METAP1: variants seen among roughly 807,000 people sequenced by gnomAD.
METAP1 encodes methionine aminopeptidase 1.
METAP1 carries 28 observed loss-of-function variants against 53.8 expected under a neutral mutation model. The observed-to-expected ratio is 0.52, with a 90% confidence interval of 0.39 to 0.71. The LOEUF (loss-of-function observed/expected upper bound fraction) is 0.71, where lower values mean the gene tolerates loss of function less well. Ranked by LOEUF, METAP1 falls within the 30% of genes least tolerant of loss-of-function variation. The probability of loss-of-function intolerance (pLI) is 0.00; values close to 1 mark genes in which losing one functional copy is unlikely to be tolerated. For synonymous variants in METAP1, 181 were observed against 165.7 expected, an observed-to-expected ratio of 1.09 and a Z score of -0.71; for missense variants, 389 against 479.8, an observed-to-expected ratio of 0.81 and a Z score of 1.77.
In METAP1 at chr4:99,061,807, G is replaced by GT. The variant is rs1579352486; in HGVS notation, c.*493dup. 6.6e-6 allele frequency: 1 copy of GT among 152,106 alleles called. No individual in the cohort carries two copies. The highest frequency in any genetic ancestry group is 1.9e-4 in the East Asian group (1 of 5,198). 9.4% of individuals were successfully genotyped at this position (152,106 alleles called of 1,614,324 possible). A position where few individuals can be genotyped will look rare whatever the true frequency, so the allele number is the denominator to read the frequency against. ...GTTTGTGTTGTTTCTGCTCTGACAG[G>GT]TTTATATGTTCTTACAAATGGATCC... On this transcript the variant is annotated 3_prime_UTR_variant, in exon 11 of 11. Coordinates refer to ENST00000296411, the MANE Select transcript of METAP1 (RefSeq NM_015143.3).
intron 2 of METAP1, among the ~76,000 whole-genome samples, chr4:99,030,737 A>G (rs1724950807): frequency 6.6e-6 from 1 of 152,046 alleles, no homozygotes; most frequent in Admixed American, 6.6e-5. Context: ...ATAGTGAGAT[A>G]ACACATAGCA....
chr4:99,011,800 C>G (rs916726946), intron 1 of METAP1, among the ~76,000 whole-genome samples: 1 of 152,112 alleles, frequency 6.6e-6, no homozygotes, highest in South Asian at 2.1e-4. Flanking sequence ...ATTAGCCAGG[C>G]GTGGTGGCAT....
chr4:98,997,835 GTC>G (rs1486974725), intron 1 of METAP1, among the ~76,000 whole-genome samples: 16 of 152,152 alleles, frequency 1.1e-4, no homozygotes, highest in African/African-American at 3.6e-4. Context: ...TGTCCCAACT[GTC>G]TCTTTTTCTT....
intron 1 of METAP1, among the ~76,000 whole-genome samples, chr4:99,004,971 C>A (rs1262108176): frequency 2.0e-5 from 3 of 152,190 alleles, no homozygotes; most frequent in Non-Finnish European, 4.4e-5. Flanking sequence ...AAATAGTCCT[C>A]CTCTAGACAT....
chr4:99,011,303 A>G (rs1455510722), intron 1 of METAP1, among the ~76,000 whole-genome samples: 1 of 152,098 alleles, frequency 6.6e-6, no homozygotes, highest in Non-Finnish European at 1.5e-5. Flanking sequence ...CGTCTTATAT[A>G]TGAGCTTTGT....
chr4:99,037,246 G>GT (rs1445905842), intron 4 of METAP1, among the ~76,000 whole-genome samples: 1 of 151,510 alleles, frequency 6.6e-6, no homozygotes, highest in Non-Finnish European at 1.5e-5. Flanking sequence ...TTTTAAAACT[G>GT]TTTTTTACCA....
At chr4:99,028,573 C>G (rs1724748238) in intron 1 of METAP1, among the ~76,000 whole-genome samples, 1 of 152,094 alleles carries the variant, frequency 6.6e-6, no homozygotes, top group South Asian at 2.1e-4. Flanking sequence ...TCTAATGATT[C>G]TTTTGAAATA....
At chr4:99,048,024 G>A (rs755781566) in intron 8 of METAP1, among the ~76,000 whole-genome samples, 2 of 152,134 alleles carry the variant, frequency 1.3e-5, no homozygotes, top group Non-Finnish European at 2.9e-5. Context: ...AGGACAATTC[G>A]TTACTTTTTG....
intron 10 of METAP1, among the ~76,000 whole-genome samples, chr4:99,060,309 G>T (rs1304359191): frequency 3.4e-5 from 5 of 146,980 alleles, no homozygotes; most frequent in Non-Finnish European, 6.0e-5. Context: ...CTATCTCCAT[G>T]ATTTTGACTA....
At chr4:99,056,493 T>C (rs1475138016) in intron 9 of METAP1, among the ~76,000 whole-genome samples, 1 of 152,186 alleles carries the variant, frequency 6.6e-6, no homozygotes, top group Admixed American at 6.6e-5. Context: ...TGGAGTTTGC[T>C]TTTTTGCTTT....
intron 1 of METAP1, chr4:99,022,176 C>A: frequency 2.9e-6 from 1 of 343,946 alleles, no homozygotes; most frequent in Non-Finnish European, 5.2e-6. Context: ...CACAAAACTT[C>A]CACGTTTGGG....
Position 99,054,902 on chromosome 4 carries a change from T to G in METAP1, c.932-2851T>G, listed in dbSNP as rs78814583. Among the ~76,000 whole-genome samples the G allele has an allele frequency of 7.9e-3, 1,203 of 152,224 alleles. 13 individuals are homozygous for G. The highest frequency in any genetic ancestry group is 0.027 in the African/African-American group (1,111 of 41,534). ...CACAGTTTGTGGTGCTCCAAAACAA[T>G]TAAAATTTTAACATCAAAGACCATT... On this transcript the variant is annotated intron_variant, in intron 9 of 10. Transcript: ENST00000296411.
At chr4:98,996,517 CTTTTCT>C (rs1186569855) in intron 1 of METAP1, among the ~76,000 whole-genome samples, 1 of 152,220 alleles carries the variant, frequency 6.6e-6, no homozygotes, top group Non-Finnish European at 1.5e-5. Flanking sequence ...GTAATTCATT[CTTTTCT>C]TTCGGTATAT....
chr4:99,047,302 C>G lies in METAP1; in HGVS notation c.788-1431C>G, dbSNP rs1287000562. 2.6e-5 allele frequency among the ~76,000 whole-genome samples: 4 copies of G among 152,238 alleles called. No individual in the cohort carries two copies. In the South Asian group the frequency reaches 6.2e-4, roughly 24 times the overall value. On this transcript the variant is annotated intron_variant, in intron 8 of 10. Coordinates refer to ENST00000296411, the MANE Select transcript of METAP1 (RefSeq NM_015143.3). ...TTCCTGGTCTCTACCCAGTAAATGC[C>G]AGTTACACCACCACCCTGTGTTTGA...
At chr4:99,032,319 C>T (rs1046168316) in intron 2 of METAP1, among the ~76,000 whole-genome samples, 1 of 151,936 alleles carries the variant, frequency 6.6e-6, no homozygotes, top group African/African-American at 2.4e-5. Context: ...CCTTAACCTC[C>T]TGGGCTCGAG....
Position 99,040,901 on chromosome 4 carries a change from AAT to A in METAP1, c.433-137_433-136del, listed in dbSNP as rs1252682935. ...TGTTTGTTTTTATGTATTTACATAT[AAT>A]ATATTTATATATTTTCTATAAAATT... On this transcript the variant is annotated intron_variant, in intron 5 of 10. Transcript: ENST00000296411. 1.4e-5 allele frequency: 4 copies of A among 288,158 alleles called. 1 individual carries two copies. The highest frequency in any genetic ancestry group is 2.1e-3 in the Middle Eastern group (2 of 934). 17.9% of individuals were successfully genotyped at this position (288,158 alleles called of 1,614,324 possible).
chr4:99,012,063 A>G (rs962643283), intron 1 of METAP1, among the ~76,000 whole-genome samples: 2 of 151,616 alleles, frequency 1.3e-5, no homozygotes, highest in African/African-American at 4.8e-5. Context: ...CTTTCTTTTC[A>G]TTGTTTTTAT....
intron 1 of METAP1, among the ~76,000 whole-genome samples, chr4:99,002,018 T>C (rs1207562034): frequency 2.0e-5 from 3 of 152,204 alleles, no homozygotes; most frequent in Non-Finnish European, 4.4e-5. Flanking sequence ...TTTTTGGAAA[T>C]TGAAGTGCTA....
intron 1 of METAP1, among the ~76,000 whole-genome samples, chr4:99,024,942 G>A (rs999233024): frequency 2.6e-5 from 4 of 152,166 alleles, no homozygotes; most frequent in African/African-American, 4.8e-5. Flanking sequence ...TCAGATCTTC[G>A]AGAATTAGTT....
Sources: allele counts gnomAD v4.1 joint callset (sites outside exome capture counted in the v4.1 genomes callset), GRCh38; gene constraint gnomAD v4.1.1; transcripts MANE v1.5; gene names NCBI Gene and HGNC (gene_info 2026-07-23, HGNC 2026-07-21).